IL1RAPL1: variants seen among roughly 807,000 people sequenced by gnomAD.
IL1RAPL1 encodes interleukin-1 receptor accessory protein-like 1.
A neutral mutation model predicts 48.4 loss-of-function variants in IL1RAPL1; 3 were observed. The observed-to-expected ratio is 0.06, with a 90% confidence interval of 0.03 to 0.16. The LOEUF is 0.16. IL1RAPL1 is among the 10% of genes least tolerant of loss of function. IL1RAPL1 has a pLI of 1.00. For synonymous variants in IL1RAPL1, 185 were observed against 187.7 expected (o/e 0.99, Z 0.12); for missense variants, 349 against 530.6 (o/e 0.66, Z 3.36).
intron 2 of IL1RAPL1, among the ~76,000 whole-genome samples, chrX:28,799,804 G>T (rs1011278555): frequency 1.1e-4 from 12 of 111,887 alleles, no homozygotes; most frequent in African/African-American, 3.6e-4. Flanking sequence ...GAAATAATTC[G>T]AGGAGAGGTT....
chrX:29,911,026 C>T (rs1009680472), intron 6 of IL1RAPL1, among the ~76,000 whole-genome samples: 6 of 111,233 alleles, frequency 5.4e-5, no homozygotes, highest in Non-Finnish European at 1.1e-4. Flanking sequence ...TAGGTATGTA[C>T]CCAAGAAAAA....
intron 3 of IL1RAPL1, among the ~76,000 whole-genome samples, chrX:29,323,739 ATATATATATATATATATATATATATAT>A (rs1932823244): frequency 5.0e-5 from 1 of 20,054 alleles, no homozygotes. Context: ...ATATATATAT[ATATATATATATATATATATATATATAT>A]ATATATATAT....
chrX:28,826,405 T>C (rs781633685), intron 2 of IL1RAPL1, among the ~76,000 whole-genome samples: 6 of 111,669 alleles, frequency 5.4e-5, no homozygotes, highest in Non-Finnish European at 1.1e-4. Context: ...ACCTCCTTAA[T>C]GGTATTAAAA....
At chrX:29,185,733 A>C (rs1402884068) in intron 2 of IL1RAPL1, among the ~76,000 whole-genome samples, 1 of 111,821 alleles carries the variant, frequency 8.9e-6, no homozygotes, top group East Asian at 2.8e-4. Context: ...TCTACAACTA[A>C]TTATAAGGAA....
intron 5 of IL1RAPL1, among the ~76,000 whole-genome samples, chrX:29,494,001 TC>T (rs1307245376): frequency 9.0e-6 from 1 of 111,031 alleles, no homozygotes; most frequent in African/African-American, 3.3e-5. Context: ...TTCAAGTGAC[TC>T]CTCTGCCTCA....
chrX:29,748,633 G>A (rs1326354980), intron 6 of IL1RAPL1, among the ~76,000 whole-genome samples: 1 of 112,832 alleles, frequency 8.9e-6, no homozygotes, highest in Non-Finnish European at 1.9e-5. Context: ...TTTTAACTCG[G>A]GAAATATGGG....
chrX:29,881,651 G>A (rs931175044), intron 6 of IL1RAPL1, among the ~76,000 whole-genome samples: 3 of 110,431 alleles, frequency 2.7e-5, no homozygotes, highest in Non-Finnish European at 5.7e-5. Flanking sequence ...ATGGAGAATG[G>A]GGTATCCATC....
intron 6 of IL1RAPL1, among the ~76,000 whole-genome samples, chrX:29,692,605 G>C (rs1926803377): frequency 8.9e-6 from 1 of 112,056 alleles, no homozygotes; most frequent in African/African-American, 3.2e-5. Context: ...TTGTCACATG[G>C]AGTCAAGAGC....
intron 2 of IL1RAPL1, among the ~76,000 whole-genome samples, chrX:29,072,459 A>T (rs2147441528): frequency 9.0e-6 from 1 of 111,713 alleles, no homozygotes; most frequent in Non-Finnish European, 1.9e-5. Context: ...AACTCATCCT[A>T]ATCCTATAAC....
chrX:28,640,160 A>T (rs1601843256), intron 1 of IL1RAPL1, among the ~76,000 whole-genome samples: 1 of 111,629 alleles, frequency 9.0e-6, no homozygotes, highest in Non-Finnish European at 1.9e-5. Flanking sequence ...TTTAGGACTT[A>T]CTTGAACTGA....
At chrX:29,372,712 A>G (rs1933561383) in intron 3 of IL1RAPL1, among the ~76,000 whole-genome samples, 1 of 103,207 alleles carries the variant, frequency 9.7e-6, no homozygotes, top group Non-Finnish European at 2.0e-5. Context: ...CAAAGATCAG[A>G]TTGTTGTAGG....
chrX:28,893,334 C>T (rs1922821967), intron 2 of IL1RAPL1, among the ~76,000 whole-genome samples: 1 of 110,706 alleles, frequency 9.0e-6, no homozygotes, highest in South Asian at 3.8e-4. Flanking sequence ...TTTTAAAAGA[C>T]CATTAGTTCA....
intron 2 of IL1RAPL1, among the ~76,000 whole-genome samples, chrX:28,997,676 G>A (rs1417421665): frequency 9.0e-6 from 1 of 111,312 alleles, no homozygotes; most frequent in Non-Finnish European, 1.9e-5. Flanking sequence ...TTATTATTAA[G>A]ATAAACAGGA....
chrX:28,786,487 A>G lies in IL1RAPL1; in HGVS notation c.-24-2833A>G, dbSNP rs1226725695. ...CTCAAAAACAAACAAACAAACAAAA[A>G]TCCCGGAAGCTTTGATTTGTTGTTC... On this transcript the variant is annotated intron_variant, in intron 1 of 10. Coordinates refer to ENST00000378993, the MANE Select transcript of IL1RAPL1 (RefSeq NM_014271.4). Among the ~76,000 whole-genome samples the G allele has an allele frequency of 2.7e-5, 3 of 111,194 alleles. No homozygotes were observed. The East Asian group carries it at 8.5e-4, about 32-fold the overall frequency.
At chrX:29,771,609 A>G (rs953967767) in intron 6 of IL1RAPL1, among the ~76,000 whole-genome samples, 2 of 111,827 alleles carry the variant, frequency 1.8e-5, no homozygotes, top group African/African-American at 6.5e-5. Flanking sequence ...AACCTGTGCT[A>G]TTTATCTATT....
At chrX:29,941,602 T>C (rs773061014) in intron 8 of IL1RAPL1, 49 bp from the exon 9 acceptor site, 2 of 1,152,297 alleles carry the variant, frequency 1.7e-6, no homozygotes, top group Non-Finnish European at 2.4e-6. Flanking sequence ...AATTTATGAT[T>C]TTGGATGTGA....
chrX:29,682,333 A>G (rs887442451), intron 6 of IL1RAPL1, among the ~76,000 whole-genome samples: 3 of 110,929 alleles, frequency 2.7e-5, no homozygotes, highest in Non-Finnish European at 5.7e-5. Context: ...CTGACCAGGC[A>G]CCCTTGACCA....
At chrX:28,709,659 C>A (rs1419317892) in intron 1 of IL1RAPL1, among the ~76,000 whole-genome samples, 2 of 110,623 alleles carry the variant, frequency 1.8e-5, no homozygotes, top group Non-Finnish European at 3.8e-5. Context: ...ATGCTTCAAG[C>A]AGCAGCTTGA....
chrX:28,855,082 C>T (rs2018307), intron 2 of IL1RAPL1, among the ~76,000 whole-genome samples: 57,320 of 110,509 alleles, frequency 0.52, 12,398 homozygotes, highest in African/African-American at 0.82. Context: ...TGCAGTGGCG[C>T]GATCTCAGCT....
Sources: allele counts gnomAD v4.1 joint callset (sites outside exome capture counted in the v4.1 genomes callset), GRCh38; gene constraint gnomAD v4.1.1; transcripts MANE v1.5; gene names NCBI Gene and HGNC (gene_info 2026-07-23, HGNC 2026-07-21).